The following LEPR variants were observed in gnomAD, a reference collection of about 807,000 sequenced individuals.
LEPR encodes the protein OB receptor.
LEPR carries 56 observed loss-of-function variants against 114.7 expected under a neutral mutation model. That is an observed-to-expected ratio of 0.49 (90% CI 0.39 to 0.61). The LOEUF is 0.61. Among genes scored for constraint, LEPR ranks in the 20% least tolerant of loss-of-function variants. The probability of loss-of-function intolerance (pLI) is 0.00; values close to 1 mark genes in which losing one functional copy is unlikely to be tolerated. For synonymous variants in LEPR, 443 were observed against 461.4 expected, an observed-to-expected ratio of 0.96 and a Z score of 0.51; for missense variants, 1,202 against 1,352.9, an observed-to-expected ratio of 0.89 and a Z score of 1.75.
intron 2 of LEPR, among the ~76,000 whole-genome samples, chr1:65,536,350 C>G (rs1260600741): frequency 1.3e-5 from 2 of 152,128 alleles, no homozygotes; most frequent in Non-Finnish European, 2.9e-5. Context: ...ACTCGAGGCC[C>G]TCACCAGATG....
At chr1:65,434,067 A>G (rs546172024) in intron 2 of LEPR, 2 of 985,368 alleles carry the variant, frequency 2.0e-6, no homozygotes, top group African/African-American at 1.7e-5. Flanking sequence ...TAACCAAGGT[A>G]GCCTTCATAT....
At chr1:65,501,123 T>C (rs1465716353) in intron 2 of LEPR, among the ~76,000 whole-genome samples, 2 of 152,134 alleles carry the variant, frequency 1.3e-5, no homozygotes, top group Admixed American at 1.3e-4. Context: ...TTACTACCTA[T>C]ATGGCTTCTC....
intron 19 of LEPR, chr1:65,635,457 C>T (rs887445855): frequency 1.3e-6 from 1 of 784,640 alleles, no homozygotes; most frequent in East Asian, 1.3e-4. Context: ...CTTCATTTCA[C>T]ATGTCCATAG....
intron 2 of LEPR, among the ~76,000 whole-genome samples, chr1:65,541,043 G>A (rs1651159139): frequency 2.6e-5 from 4 of 151,994 alleles, no homozygotes; most frequent in Non-Finnish European, 2.9e-5. Flanking sequence ...GGCTGGTCTC[G>A]AACTCCTGGC....
chr1:65,620,671 C>T (rs568362077), intron 17 of LEPR, among the ~76,000 whole-genome samples: 1 of 152,150 alleles, frequency 6.6e-6, no homozygotes, highest in South Asian at 2.1e-4. Flanking sequence ...ACAGTAAGAC[C>T]CTACTTGATA....
At chr1:65,584,348 G>T (rs1214769596) in intron 5 of LEPR, among the ~76,000 whole-genome samples, 2 of 152,032 alleles carry the variant, frequency 1.3e-5, no homozygotes, top group Non-Finnish European at 2.9e-5. Context: ...TGTGTGCAGA[G>T]CTAGTTAGTG....
chr1:65,421,268 GAGT>G (rs1263634963), intron 1 of LEPR: 2 of 1,463,722 alleles, frequency 1.4e-6, no homozygotes, highest in African/African-American at 2.8e-5. Flanking sequence ...CAGTCGTGGA[GAGT>G]AGATTACGTG....
At chr1:65,429,482 T>C (rs1252957968) in intron 2 of LEPR, among the ~76,000 whole-genome samples, 1 of 152,236 alleles carries the variant, frequency 6.6e-6, no homozygotes, top group Non-Finnish European at 1.5e-5. Flanking sequence ...GTTTCAAGCA[T>C]GCGTGCACTC....
intron 2 of LEPR, among the ~76,000 whole-genome samples, chr1:65,488,283 CCTCCCT>C (rs1469166756): frequency 6.5e-5 from 8 of 123,554 alleles, no homozygotes; most frequent in Non-Finnish European, 1.4e-4. Flanking sequence ...TCTTTCTTTC[CCTCCCT>C]CTCTCTCTCT....
chr1:65,453,389 T>A (rs1646817025), intron 2 of LEPR, among the ~76,000 whole-genome samples: 1 of 152,208 alleles, frequency 6.6e-6, no homozygotes, highest in Non-Finnish European at 1.5e-5. Flanking sequence ...CAATTTTGGA[T>A]CTTTCCTGCT....
intron 5 of LEPR, among the ~76,000 whole-genome samples, chr1:65,575,387 C>T (rs567427995): frequency 4.6e-5 from 7 of 150,900 alleles, no homozygotes; most frequent in African/African-American, 1.5e-4. Flanking sequence ...CACCTTTCTA[C>T]GCATACCTAC....
chr1:65,485,626 C>G (rs1647448575), intron 2 of LEPR, among the ~76,000 whole-genome samples: 1 of 152,124 alleles, frequency 6.6e-6, no homozygotes, highest in Non-Finnish European at 1.5e-5. Context: ...CTCTCTCTCT[C>G]TTTCTGAGAG....
intron 2 of LEPR, chr1:65,434,180 GAA>G (rs1225242609): frequency 7.1e-6 from 7 of 983,492 alleles, no homozygotes; most frequent in Non-Finnish European, 8.5e-6. Context: ...CTCTATGTCT[GAA>G]AAGAGAGCTA....
Position 65,530,724 on chromosome 1 carries a change from T to C in LEPR, c.-20-34822T>C, listed in dbSNP as rs144590530. Among the ~76,000 whole-genome samples the C allele has an allele frequency of 1.7e-3, 256 of 152,292 alleles. 1 individual carries two copies. The Middle Eastern group carries it at 0.02, about 12-fold the overall frequency. On this transcript the variant is annotated intron_variant, in intron 2 of 19. Coordinates refer to ENST00000349533, the MANE Select transcript of LEPR (RefSeq NM_002303.6). ...ACCTGTTTTATCAGCAAGATCTTTA[T>C]GACCTGTATCTTGTCCTGACCTCCT...
intron 2 of LEPR, among the ~76,000 whole-genome samples, chr1:65,425,991 C>T (rs916989413): frequency 1.3e-5 from 2 of 152,178 alleles, no homozygotes; most frequent in African/African-American, 4.8e-5. Context: ...AGGTCCTGCT[C>T]TCTCAGAGTT....
intron 19 of LEPR, 74 bp downstream of exon 19, chr1:65,623,055 T>TA: frequency 7.3e-7 from 1 of 1,366,490 alleles, no homozygotes; most frequent in Admixed American, 1.9e-5. Flanking sequence ...TATAGAGCAT[T>TA]AAGCATTTTT....
At chr1:65,525,800 G>C (rs1649909185) in intron 2 of LEPR, 4 of 985,998 alleles carry the variant, frequency 4.1e-6, no homozygotes, top group Non-Finnish European at 4.8e-6. Context: ...CTTCGGTCGA[G>C]TTGGACCCCC....
intron 2 of LEPR, among the ~76,000 whole-genome samples, chr1:65,477,223 T>A (rs1347982912): frequency 1.3e-5 from 2 of 152,224 alleles, no homozygotes; most frequent in Non-Finnish European, 2.9e-5. Flanking sequence ...ACCTTCTATT[T>A]ATTAATTACT....
At chr1:65,472,864 G>A (rs1570517718) in intron 2 of LEPR, among the ~76,000 whole-genome samples, 1 of 152,260 alleles carries the variant, frequency 6.6e-6, no homozygotes, top group East Asian at 1.9e-4. Context: ...ATGAAGCAAA[G>A]CACATCTGTT....
Sources: allele counts gnomAD v4.1 joint callset (sites outside exome capture counted in the v4.1 genomes callset), GRCh38; gene constraint gnomAD v4.1.1; transcripts MANE v1.5; gene names NCBI Gene and HGNC (gene_info 2026-07-23, HGNC 2026-07-21).